Variants in NTM observed in about 807,000 individuals in gnomAD.
NTM encodes the protein neurotrimin.
Under a neutral mutation model 42.1 loss-of-function variants are expected in NTM, and 13 were observed. The observed-to-expected ratio is 0.31, with a 90% CI of 0.20 to 0.49. The LOEUF is 0.49. NTM is among the 20% of genes least tolerant of loss of function. NTM has a pLI of 0.99. For missense variants in NTM, 373 were observed against 452.8 expected, an observed-to-expected ratio of 0.82 and a Z score of 1.60; for synonymous variants, 187 against 179.2, an observed-to-expected ratio of 1.04 and a Z score of -0.35.
At chr11:132,165,486 T>C (rs1158851045) in intron 3 of NTM, among the ~76,000 whole-genome samples, 1 of 152,152 alleles carries the variant, frequency 6.6e-6, no homozygotes, top group Non-Finnish European at 1.5e-5. Context: ...TGTCACATGG[T>C]CACAGTAAAA....
chr11:131,618,959 G>A (rs1241595491), intron 1 of NTM, among the ~76,000 whole-genome samples: 1 of 152,208 alleles, frequency 6.6e-6, no homozygotes, highest in Non-Finnish European at 1.5e-5. Context: ...CATATGTAGA[G>A]TGATTAGGTA....
intron 7 of NTM, among the ~76,000 whole-genome samples, chr11:132,325,154 G>T (rs1243242673): frequency 6.6e-6 from 1 of 152,124 alleles, no homozygotes; most frequent in African/African-American, 2.4e-5. Flanking sequence ...GGCAACAAAA[G>T]CCAAAACTGA....
chr11:131,378,822 A>G (rs974116902), intron 1 of NTM, among the ~76,000 whole-genome samples: 7 of 152,194 alleles, frequency 4.6e-5, no homozygotes, highest in African/African-American at 1.4e-4. Flanking sequence ...GCCCCTCCCC[A>G]GGAATCAGTT....
chr11:131,410,548 GA>G (rs1190098422), intron 1 of NTM, among the ~76,000 whole-genome samples: 5 of 122,632 alleles, frequency 4.1e-5, no homozygotes, highest in Non-Finnish European at 6.9e-5. Context: ...AAAAAACAGA[GA>G]AGGACAGAGG....
intron 1 of NTM, among the ~76,000 whole-genome samples, chr11:131,495,312 T>G (rs895051692): frequency 6.6e-6 from 1 of 152,238 alleles, no homozygotes; most frequent in African/African-American, 2.4e-5. Context: ...TTGTTTCTGT[T>G]GTCCTTGTTT....
Position 132,208,403 on chromosome 11 carries a change from C to T in NTM, c.401-3619C>T, listed in dbSNP as rs147636613. Among the ~76,000 whole-genome samples the T allele has an allele frequency of 3.6e-4, 55 of 152,358 alleles. 3 individuals carry two copies. The highest frequency in any genetic ancestry group is 3.1e-3 in the East Asian group (16 of 5,182). On this transcript the variant is annotated intron_variant, in intron 3 of 8. Transcript: ENST00000683400. ...CCATGAATGATCTGTCTTTCTCACTCACCCAAGGGCAATTTGCCTCCTTCA... is the reference window on the plus strand; with the variant it reads ...CCATGAATGATCTGTCTTTCTCACTTACCCAAGGGCAATTTGCCTCCTTCA...
chr11:132,149,918 C>T (rs2071475621), intron 3 of NTM, among the ~76,000 whole-genome samples: 1 of 152,206 alleles, frequency 6.6e-6, no homozygotes, highest in African/African-American at 2.4e-5. Context: ...TTCAGTCACA[C>T]TAGCCACACT....
chr11:131,598,922 T>G (rs66671336), intron 1 of NTM, among the ~76,000 whole-genome samples: 13,720 of 72,398 alleles, frequency 0.19, 2,799 homozygotes, highest in East Asian at 0.37. Context: ...CTTCCTTCCT[T>G]CTTTCCTTTC....
At chr11:131,755,720 T>C (rs1482239224) in intron 1 of NTM, among the ~76,000 whole-genome samples, 1 of 152,226 alleles carries the variant, frequency 6.6e-6, no homozygotes, top group Non-Finnish European at 1.5e-5. Context: ...TATAAAGCTA[T>C]TCACATAGAA....
chr11:132,203,342 T>G (rs1352582441), intron 3 of NTM, among the ~76,000 whole-genome samples: 1 of 152,132 alleles, frequency 6.6e-6, no homozygotes, highest in Non-Finnish European at 1.5e-5. Flanking sequence ...AAAAAGTGAT[T>G]TCTTAACATT....
chr11:131,804,267 A>C (rs1211022089), intron 1 of NTM, among the ~76,000 whole-genome samples: 1 of 152,134 alleles, frequency 6.6e-6, no homozygotes, highest in African/African-American at 2.4e-5. Context: ...CTTTCTAATA[A>C]AAAGCCGTTA....
chr11:132,260,716 A>G (rs1359018319), intron 4 of NTM, among the ~76,000 whole-genome samples: 1 of 152,226 alleles, frequency 6.6e-6, no homozygotes, highest in African/African-American at 2.4e-5. Flanking sequence ...CTGAAGAGCT[A>G]CATCAAAAGA....
chr11:131,474,845 T>C (rs1406277272), intron 1 of NTM, among the ~76,000 whole-genome samples: 2 of 152,146 alleles, frequency 1.3e-5, no homozygotes, highest in Non-Finnish European at 2.9e-5. Flanking sequence ...CCCAAAGCAA[T>C]GTTTCCAAAA....
chr11:131,478,154 C>T (rs1953155249), intron 1 of NTM, among the ~76,000 whole-genome samples: 2 of 152,192 alleles, frequency 1.3e-5, no homozygotes, highest in Admixed American at 1.3e-4. Flanking sequence ...TCAGTATCTG[C>T]CATTCACATT....
intron 1 of NTM, among the ~76,000 whole-genome samples, chr11:131,816,170 G>T (rs913838995): frequency 6.6e-6 from 1 of 152,174 alleles, no homozygotes; most frequent in Non-Finnish European, 1.5e-5. Context: ...AAGCGGAAGA[G>T]GATTTGTTCT....
chr11:131,906,812 T>C (rs572425511), intron 1 of NTM, among the ~76,000 whole-genome samples: 9 of 152,306 alleles, frequency 5.9e-5, no homozygotes, highest in South Asian at 4.2e-4. Flanking sequence ...GTGACCTCTT[T>C]TCTCTCCCTG....
intron 2 of NTM, among the ~76,000 whole-genome samples, chr11:131,999,667 C>T (rs2068783955): frequency 6.6e-6 from 1 of 152,158 alleles, no homozygotes; most frequent in African/African-American, 2.4e-5. Context: ...TGACATATGC[C>T]TCTGTTTTGA....
intron 1 of NTM, among the ~76,000 whole-genome samples, chr11:131,505,559 C>T (rs191284338): frequency 6.6e-6 from 1 of 152,300 alleles, no homozygotes; most frequent in Admixed American, 6.5e-5. Context: ...GAGACCTAAA[C>T]TGGGTGCATA....
intron 1 of NTM, among the ~76,000 whole-genome samples, chr11:131,528,328 A>G (rs1270266650): frequency 1.3e-5 from 2 of 150,986 alleles, no homozygotes; most frequent in East Asian, 3.9e-4. Flanking sequence ...AATAACTGGC[A>G]TTTATTAAGC....
Sources: allele counts gnomAD v4.1 joint callset (sites outside exome capture counted in the v4.1 genomes callset), GRCh38; gene constraint gnomAD v4.1.1; transcripts MANE v1.5; gene names NCBI Gene and HGNC (gene_info 2026-07-23, HGNC 2026-07-21).